SUPT16H: variants seen among roughly 807,000 people sequenced by gnomAD.
The protein encoded by SUPT16H is SPT16 homolog, facilitates chromatin remodeling subunit, also known as FACT complex subunit SPT16.
A neutral mutation model predicts 136.2 loss-of-function variants in SUPT16H; 24 were observed. The observed-to-expected ratio is 0.18, with a 90% CI of 0.13 to 0.25. The LOEUF (loss-of-function observed/expected upper bound fraction) is 0.25, where lower values mean the gene tolerates loss of function less well. Among genes scored for constraint, SUPT16H ranks in the 10% least tolerant of loss-of-function variants. The pLI, the probability that SUPT16H is intolerant of heterozygous loss-of-function variation, is 1.00. For synonymous variants in SUPT16H, 415 were observed against 428.2 expected, an observed-to-expected ratio of 0.97 and a Z score of 0.38; for missense variants, 623 against 1,270.2, an observed-to-expected ratio of 0.49 and a Z score of 7.74.
In SUPT16H at chr14:21,366,454, A is replaced by G; in HGVS notation, c.1031T>C (p.Ile344Thr). 1.2e-6 allele frequency: 2 copies of G among 1,614,008 alleles called. No individual in the cohort carries two copies. The highest frequency in any genetic ancestry group is 2.2e-5 in the South Asian group (2 of 91,048). Residue 344 changes from isoleucine to threonine, a missense_variant, in exon 8 of 26, where the codon ATT becomes ACT. By Grantham distance (89) the Ile-to-Thr change is moderately conservative. Coordinates refer to ENST00000216297, the MANE Select transcript of SUPT16H (RefSeq NM_007192.4). ...CATGGCATACCCTAGGTTTTTGGTA[A>G]TTTTGTTCAGCAGTTCTGGCTTCTG... ...KKQKPELLNK[I>T]TKNLGFGMGI...
chr14:21,369,383 CACTT>C, intron 5 of SUPT16H, 28 bp from the exon 6 acceptor site: 1 of 1,613,720 alleles, frequency 6.2e-7, no homozygotes, highest in Middle Eastern at 1.7e-4. Flanking sequence ...AATAAAGTAA[CACTT>C]ACTAGAGGGT....
chr14:21,352,887 GAGAT>G, intron 25 of SUPT16H, 69 bp from the exon 26 acceptor site: 7 of 1,600,294 alleles, frequency 4.4e-6, no homozygotes, highest in African/African-American at 1.3e-5. Context: ...TGGATAGCAT[GAGAT>G]AGTACAGAGA....
intron 1 of SUPT16H, among the ~76,000 whole-genome samples, chr14:21,375,949 G>A (rs925563402): frequency 2.0e-5 from 3 of 152,174 alleles, no homozygotes; most frequent in African/African-American, 7.2e-5. Context: ...CTAATTCAAG[G>A]TCACTCAGAT....
rs541926864 is a variant in SUPT16H at position 21,375,009 on chromosome 14, T to C, written c.67-1579A>G. ...CAGCCATATAATGAGTGTAAATTAG[T>C]ATCCTGCTTTTTTTTTTCTTTTGAG... On this transcript the variant is annotated intron_variant, in intron 1 of 25. Transcript: ENST00000216297. 9.2e-5 allele frequency among the ~76,000 whole-genome samples: 14 copies of C among 152,238 alleles called. No homozygotes were observed. The East Asian group carries it at 1.9e-3, about 21-fold the overall frequency.
rs775059544 is a variant in SUPT16H, at chr14:21,352,749, G to A, written c.3068C>T (p.Ser1023Phe). 6.2e-7 allele frequency: 1 copy of A among 1,614,080 alleles called. No homozygotes were observed. The highest frequency in any genetic ancestry group is 1.1e-5 in the South Asian group (1 of 91,060). The change falls in exon 26 of 26, where the codon TCT becomes TTT. Residue 1023 changes from serine (S) to phenylalanine (F), a missense_variant. Transcript: ENST00000216297. ...AGAGCCACGGCCCGAACTGTGCACAGATGCCTTCCTCTTCCGGCTCATACT... is the reference window on the plus strand; with the variant it reads ...AGAGCCACGGCCCGAACTGTGCACAAATGCCTTCCTCTTCCGGCTCATACT... ...SRSMSRKRKASVHSSGRGSNR... is the reference protein window; with the variant it reads ...SRSMSRKRKAFVHSSGRGSNR...
intron 1 of SUPT16H, among the ~76,000 whole-genome samples, chr14:21,377,829 G>A (rs115058880): frequency 0.017 from 2,639 of 152,230 alleles, 81 homozygotes; most frequent in African/African-American, 0.058. Context: ...TCGCCATGTC[G>A]GCCAGGGTAG....
intron 1 of SUPT16H, among the ~76,000 whole-genome samples, chr14:21,375,546 T>C (rs938936610): frequency 2.6e-5 from 4 of 152,198 alleles, no homozygotes; most frequent in Non-Finnish European, 5.9e-5. Context: ...CTTGATAGTG[T>C]CCTTTGAAGC....
In SUPT16H at chr14:21,358,306, A is replaced by G. The variant is rs781643408; in HGVS notation, c.2414+9T>C. ...AGTCAAACTTCAAGCCAAAAATAAGATAGGTTACCCCAAGTCCCTAAAAGG... is the reference window on the plus strand; with the variant it reads ...AGTCAAACTTCAAGCCAAAAATAAGGTAGGTTACCCCAAGTCCCTAAAAGG... On this transcript the variant is annotated intron_variant, in intron 20 of 25. Transcript: ENST00000216297. 5.7e-6 allele frequency: 9 copies of G among 1,565,684 alleles called. No homozygotes were observed. Among genetic ancestry groups the G allele is most frequent in the Non-Finnish European group, 7.0e-6 (8 of 1,148,890 alleles).
chr14:21,364,775 G>C (rs536993978), intron 10 of SUPT16H, 52 bp downstream of exon 10: 9 of 1,511,682 alleles, frequency 6.0e-6, no homozygotes, highest in Non-Finnish European at 8.3e-6. Flanking sequence ...GTCCACAAAC[G>C]TGCCTCAGAA....
intron 8 of SUPT16H, among the ~76,000 whole-genome samples, chr14:21,365,670 A>G (rs1362133848): frequency 6.6e-6 from 1 of 152,212 alleles, no homozygotes; most frequent in Non-Finnish European, 1.5e-5. Flanking sequence ...GTTCCATTAC[A>G]CGTTATTAGG....
chr14:21,374,596 T>A (rs1167150771), intron 1 of SUPT16H, among the ~76,000 whole-genome samples: 1 of 152,214 alleles, frequency 6.6e-6, no homozygotes, highest in Non-Finnish European at 1.5e-5. Context: ...AAATGTGGCC[T>A]TTGTGTCTGG....
intron 2 of SUPT16H, chr14:21,372,514 T>C (rs182614325): frequency 6.8e-5 from 22 of 323,336 alleles, no homozygotes; most frequent in Admixed American, 2.4e-4. Context: ...TTTTGGCCAA[T>C]AGGTAAAAAA....
intron 22 of SUPT16H, chr14:21,354,786 T>A (rs1388285516): frequency 9.7e-6 from 3 of 308,394 alleles, no homozygotes; most frequent in Non-Finnish European, 1.8e-5. Flanking sequence ...GAGACAGGGT[T>A]TTGCCATGTT....
At position 21,364,736 on chromosome 14, in the gene SUPT16H, AT is replaced by A. The variant is rs1479130096; in HGVS notation, c.1233+90del. 6.3e-6 allele frequency: 7 copies of A among 1,109,608 alleles called. No homozygotes were observed. The African/African-American group carries it at 1.1e-4, about 17-fold the overall frequency. The allele number at this position is 1,109,608 out of a possible 1,614,324, so 68.7% of individuals were successfully genotyped here. On this transcript the variant is annotated intron_variant, in intron 10 of 25. Transcript: ENST00000216297. ...ACACGGATTCTTCCCCTTAGCTAGC[AT>A]TTAACAAAGCAAGAAAAAAACCACA...
rs546075889 is a variant in SUPT16H, at chr14:21,359,706, A to G, written c.2176-97T>C. ...CCAAACTTGGGCCTCCACAGCATGC[A>G]TGCAAAAATAATTAAACCACCCCTG... On this transcript the variant is annotated intron_variant, in intron 18 of 25. Transcript: ENST00000216297. The G allele has an allele frequency of 1.8e-5, 26 of 1,428,850 alleles. No individual in the cohort carries two copies. The South Asian group carries it at 3.0e-4, about 17-fold the overall frequency. 88.5% of individuals were successfully genotyped at this position (1,428,850 alleles called of 1,614,324 possible).
Position 21,368,485 on chromosome 14 carries a change from G to A in SUPT16H, c.783-44C>T, listed in dbSNP as rs1351029003. On this transcript the variant is annotated intron_variant, in intron 6 of 25. Transcript: ENST00000216297. Reference sequence around the variant, plus strand: ...AGAAAACATTTCATTACCAAAACTAGCAAAGTCCTTGGTATCAATGGGACA... The same window carrying A: ...AGAAAACATTTCATTACCAAAACTAACAAAGTCCTTGGTATCAATGGGACA... 3.8e-6 allele frequency: 6 copies of A among 1,559,986 alleles called. No individual in the cohort carries two copies. The African/African-American group carries it at 5.5e-5, about 14-fold the overall frequency.
chr14:21,361,254 G>T, intron 15 of SUPT16H, 41 bp from the exon 16 acceptor site: 2 of 1,608,358 alleles, frequency 1.2e-6, no homozygotes, highest in East Asian at 4.5e-5. Flanking sequence ...TTCTTTTTCA[G>T]GCCAGGGAAA....
chr14:21,353,495 G>T lies in SUPT16H; in HGVS notation c.2991C>A (p.Ala997=), dbSNP rs756241754. Residue 997 remains alanine (A), a synonymous_variant, in exon 25 of 26, where the codon GCC becomes GCA. Transcript: ENST00000216297. ...CAACACATTTTTAAAAACCTTTTCG[G>T]GCTTCTTCCTCCAGTTCATCCCAAT... ...GKDWDELEEE[A]RKADRESRYE... The T allele has an allele frequency of 3.7e-6, 6 of 1,613,304 alleles. No individual in the cohort carries two copies. Among genetic ancestry groups the T allele is most frequent in the Admixed American group, 3.3e-5 (2 of 59,898 alleles).
chr14:21,357,036 G>A (rs1035963964), intron 22 of SUPT16H, among the ~76,000 whole-genome samples, 161 bp downstream of exon 22: 2 of 152,164 alleles, frequency 1.3e-5, no homozygotes, highest in Non-Finnish European at 2.9e-5. Context: ...GAACAGCTCC[G>A]TTATCTAATA....
Sources: allele counts gnomAD v4.1 joint callset (sites outside exome capture counted in the v4.1 genomes callset), GRCh38; gene constraint gnomAD v4.1.1; transcripts MANE v1.5; gene names NCBI Gene and HGNC (gene_info 2026-07-23, HGNC 2026-07-21).